MERTK: variants seen among roughly 807,000 people sequenced by gnomAD.
MERTK encodes tyrosine-protein kinase Mer.
MERTK carries 69 observed loss-of-function variants against 99.3 expected under a neutral mutation model. The observed-to-expected ratio is 0.70, with a 90% CI of 0.57 to 0.85. The LOEUF (loss-of-function observed/expected upper bound fraction) is 0.85. MERTK is among the 40% of genes least tolerant of loss of function. MERTK has a pLI of 0.00. For missense variants in MERTK, 1,125 were observed against 1,249.4 expected (o/e 0.90, Z 1.50); for synonymous variants, 426 against 467.6 (o/e 0.91, Z 1.15).
At chr2:111,944,182 C>T (rs879853409) in intron 2 of MERTK, among the ~76,000 whole-genome samples, 26 of 151,926 alleles carry the variant, frequency 1.7e-4, no homozygotes, top group Admixed American at 3.9e-4. Flanking sequence ...TGCCTGTAAT[C>T]CCAGCTACTC....
At chr2:111,937,220 G>A (rs1408105331) in intron 2 of MERTK, among the ~76,000 whole-genome samples, 3 of 151,964 alleles carry the variant, frequency 2.0e-5, no homozygotes, top group Non-Finnish European at 4.4e-5. Flanking sequence ...CAAAGAGGGA[G>A]GATTGCTTGA....
chr2:111,949,057 C>T (rs1052684061), intron 4 of MERTK, among the ~76,000 whole-genome samples: 10 of 151,952 alleles, frequency 6.6e-5, no homozygotes, highest in Non-Finnish European at 1.2e-4. Context: ...TTTGCACTGT[C>T]TCTTCTATCT....
chr2:111,988,775 C>G lies in MERTK; in HGVS notation c.1297-5476C>G, dbSNP rs149867953. On this transcript the variant is annotated intron_variant, in intron 8 of 18. Transcript: ENST00000295408. ...ACCAGCCTAGCCAACATGGTGAAAC[C>G]CTGTCTTTACTAAAAATACAAAAAT... Among the ~76,000 whole-genome samples the G allele has an allele frequency of 5.4e-3, 828 of 152,266 alleles. 8 individuals carry two copies. The highest frequency in any genetic ancestry group is 0.019 in the African/African-American group (799 of 41,542).
At chr2:111,954,119 A>C (rs1449045952) in intron 4 of MERTK, among the ~76,000 whole-genome samples, 1 of 152,148 alleles carries the variant, frequency 6.6e-6, no homozygotes, top group East Asian at 1.9e-4. Context: ...TCCCCACTAC[A>C]TGCAGGTTAA....
At chr2:112,005,225 G>A (rs1281312574) in intron 13 of MERTK, among the ~76,000 whole-genome samples, 2 of 151,990 alleles carry the variant, frequency 1.3e-5, no homozygotes, top group Admixed American at 6.5e-5. Context: ...CCACCAACAC[G>A]CCTGGCTAAA....
At chr2:111,944,537 C>CTGTTTTAAGGATT (rs1558781453) in intron 2 of MERTK, among the ~76,000 whole-genome samples, 1 of 151,830 alleles carries the variant, frequency 6.6e-6, no homozygotes, top group Non-Finnish European at 1.5e-5. Flanking sequence ...GGAATTAGCT[C>CTGTTTTAAGGATT]ACACACAGTG....
chr2:111,960,822 CAAATTA>C (rs1685236036), intron 4 of MERTK, among the ~76,000 whole-genome samples: 1 of 151,668 alleles, frequency 6.6e-6, no homozygotes, highest in Admixed American at 6.6e-5. Context: ...CAAGGTACCT[CAAATTA>C]CATTTTTTGA....
At chr2:111,899,871 C>T (rs1259673917) in intron 1 of MERTK, among the ~76,000 whole-genome samples, 1 of 151,800 alleles carries the variant, frequency 6.6e-6, no homozygotes, top group Non-Finnish European at 1.5e-5. Context: ...CAAGGAAGGC[C>T]GGTTTCATTC....
At chr2:112,012,752 G>A (rs774586892) in intron 15 of MERTK, among the ~76,000 whole-genome samples, 3 of 152,168 alleles carry the variant, frequency 2.0e-5, no homozygotes, top group Non-Finnish European at 4.4e-5. Flanking sequence ...AGTCACAGGT[G>A]ACTGATAGAG....
At chr2:111,936,836 G>A (rs571474018) in intron 2 of MERTK, among the ~76,000 whole-genome samples, 1 of 152,132 alleles carries the variant, frequency 6.6e-6, no homozygotes, top group Non-Finnish European at 1.5e-5. Flanking sequence ...AGTCTCCAAA[G>A]AAGGGTGTAA....
chr2:111,917,896 A>AG (rs1026951473), intron 1 of MERTK, among the ~76,000 whole-genome samples: 3 of 151,834 alleles, frequency 2.0e-5, no homozygotes, highest in African/African-American at 7.2e-5. Context: ...AAAAAAAAAA[A>AG]AATGCCAAAA....
chr2:111,933,464 G>A (rs993870790), intron 2 of MERTK, among the ~76,000 whole-genome samples: 1 of 152,198 alleles, frequency 6.6e-6, no homozygotes, highest in Non-Finnish European at 1.5e-5. Context: ...ATCACTAGGG[G>A]CAGAGAACAT....
At chr2:111,942,018 T>C (rs1684874534) in intron 2 of MERTK, among the ~76,000 whole-genome samples, 1 of 152,216 alleles carries the variant, frequency 6.6e-6, no homozygotes, top group African/African-American at 2.4e-5. Flanking sequence ...GCACCTCCGC[T>C]TTGTACCTCT....
Position 112,028,353 on chromosome 2 carries a change from A to G in MERTK, c.2489A>G (p.Tyr830Cys). ...ATCCACTTCTTTTTAACTTTCAGGT[A>G]TGAAATAATGTACTCTTGCTGGAGA... ...KQPEDCLDEL[Y>C]EIMYSCWRTD... Residue 830 changes from tyrosine (Y) to cysteine (C), a missense_variant and splice_region_variant, in exon 19 of 19, where the codon TAT becomes TGT. Physicochemically the swap from Tyr to Cys is radical, Grantham distance 194. Coordinates refer to ENST00000295408, the MANE Select transcript of MERTK (RefSeq NM_006343.3). The G allele has an allele frequency of 6.2e-7, 1 of 1,614,126 alleles. No individual in the cohort carries two copies. Among genetic ancestry groups the G allele is most frequent in the Non-Finnish European group, 8.5e-7 (1 of 1,179,944 alleles).
At chr2:111,940,912 G>A (rs889426009) in intron 2 of MERTK, 4 of 686,112 alleles carry the variant, frequency 5.8e-6, no homozygotes, top group Admixed American at 3.7e-5. Flanking sequence ...TCTGTCTTCA[G>A]TCTTGTAGTA....
intron 18 of MERTK, among the ~76,000 whole-genome samples, chr2:112,024,527 G>C (rs1217890456): frequency 3.3e-5 from 5 of 152,204 alleles, no homozygotes; most frequent in African/African-American, 1.2e-4. Flanking sequence ...GTGGCCTCGG[G>C]GCCCCTGTGA....
intron 1 of MERTK, among the ~76,000 whole-genome samples, chr2:111,916,543 A>G (rs1280421959): frequency 1.3e-5 from 2 of 151,864 alleles, no homozygotes; most frequent in Non-Finnish European, 2.9e-5. Flanking sequence ...TAGTTCTAAA[A>G]TTTCCTTTTG....
intron 1 of MERTK, among the ~76,000 whole-genome samples, chr2:111,907,178 G>A (rs1258333359): frequency 6.6e-6 from 1 of 152,216 alleles, no homozygotes; most frequent in Non-Finnish European, 1.5e-5. Flanking sequence ...ACTTTGGGAG[G>A]TCAGGGTGGG....
intron 4 of MERTK, among the ~76,000 whole-genome samples, chr2:111,956,186 T>G (rs776524171): frequency 2.6e-5 from 4 of 152,090 alleles, no homozygotes; most frequent in Non-Finnish European, 5.9e-5. Flanking sequence ...CTGTCATGTA[T>G]CCCTGGGCAA....
Sources: gnomAD v4.1 joint callset for allele counts (sites outside exome capture counted in the v4.1 genomes callset) on GRCh38, gnomAD v4.1.1 for gene constraint, MANE v1.5 for transcripts, NCBI Gene and HGNC (gene_info 2026-07-23, HGNC 2026-07-21) for gene names.